Variants in PLA2G5 observed in about 807,000 individuals in gnomAD.
The protein encoded by PLA2G5 is phospholipase A2 group V.
In PLA2G5, 12 loss-of-function variants were observed where a neutral mutation model predicts 15.9. The ratio of observed to expected loss-of-function variants is 0.76; its 90% CI spans 0.48 to 1.23. PLA2G5 has a LOEUF of 1.23. Ranked by LOEUF, PLA2G5 falls within the 50% of genes most tolerant of loss-of-function variation. The pLI is 0.00. For missense variants in PLA2G5, 169 were observed against 177.1 expected (o/e 0.95, Z 0.26); for synonymous variants, 71 against 71.4 (o/e 0.99, Z 0.03).
chr1:20,045,618 G>C (rs751811219), intron 1 of PLA2G5, among the ~76,000 whole-genome samples: 1 of 152,206 alleles, frequency 6.6e-6, no homozygotes, highest in Non-Finnish European at 1.5e-5. Flanking sequence ...TTGGAGAAGA[G>C]AGTAAAAAGA....
intron 1 of PLA2G5, among the ~76,000 whole-genome samples, chr1:20,057,701 G>A (rs1463956580): frequency 1.3e-5 from 2 of 152,122 alleles, no homozygotes; most frequent in African/African-American, 4.8e-5. Context: ...GTTTCACCAT[G>A]TTGGCCAGGC....
intron 2 of PLA2G5, among the ~76,000 whole-genome samples, chr1:20,060,415 G>C (rs2014662071): frequency 6.6e-6 from 1 of 151,228 alleles, no homozygotes. Flanking sequence ...CACCACGCTA[G>C]GCTATTTTTG....
At chr1:20,031,549 G>T (rs1234770933) in intron 1 of PLA2G5, among the ~76,000 whole-genome samples, 2 of 151,638 alleles carry the variant, frequency 1.3e-5, no homozygotes, top group Non-Finnish European at 2.9e-5. Flanking sequence ...CCAGATAAAA[G>T]ATTTGAAATT....
intron 1 of PLA2G5, among the ~76,000 whole-genome samples, chr1:20,053,570 C>CGGGGGG (rs60259205): frequency 2.0e-5 from 2 of 98,162 alleles, no homozygotes. Context: ...TATTACTTTG[C>CGGGGGG]GGGGGGGGGG....
intron 1 of PLA2G5, among the ~76,000 whole-genome samples, chr1:20,046,552 C>T (rs963966458): frequency 2.6e-5 from 4 of 152,214 alleles, no homozygotes. Flanking sequence ...ACTTGAACCC[C>T]TTTAAATAAT....
chr1:20,041,561 G>A (rs2013599328), intron 1 of PLA2G5, among the ~76,000 whole-genome samples: 1 of 152,168 alleles, frequency 6.6e-6, no homozygotes, highest in Non-Finnish European at 1.5e-5. Context: ...CAATCCCTGG[G>A]GAGTAGTAGA....
At chr1:20,076,605 G>A (rs11573222) in intron 1 of PLA2G5, among the ~76,000 whole-genome samples, 51,146 of 152,050 alleles carry the variant, frequency 0.34, 9,574 homozygotes, top group Middle Eastern at 0.43. Flanking sequence ...TTGCTTACAC[G>A]TTGGGATCAT....
Position 20,045,078 on chromosome 1 carries a change from T to A in PLA2G5, n.277-14554T>A, listed in dbSNP as rs12045826. On this transcript the variant is annotated intron_variant and non_coding_transcript_variant, in intron 1 of 6. Coordinates refer to the PLA2G5 transcript ENST00000460175. Reference sequence around the variant, plus strand: ...GAAATTGAAAGTGCCATTTTCTGGTTATTTGGAACCATTGTTGAGTTTGTA... The same window carrying A: ...GAAATTGAAAGTGCCATTTTCTGGTAATTTGGAACCATTGTTGAGTTTGTA... Among the ~76,000 whole-genome samples, 3,161 of 152,224 alleles carry A rather than the reference T, an allele frequency of 0.021. 248 individuals are homozygous for A. In the East Asian group the frequency reaches 0.25, roughly 12 times the overall value.
At chr1:20,029,383 GT>G (rs1228406927) in intron 1 of PLA2G5, among the ~76,000 whole-genome samples, 3 of 151,938 alleles carry the variant, frequency 2.0e-5, no homozygotes, top group African/African-American at 7.3e-5. Context: ...CCGCTGACAT[GT>G]TCCTCCGCTG....
At chr1:20,054,495 T>G (rs2014338318) in intron 1 of PLA2G5, among the ~76,000 whole-genome samples, 1 of 152,228 alleles carries the variant, frequency 6.6e-6, no homozygotes, top group South Asian at 2.1e-4. Context: ...ACTTTGCTAT[T>G]TTCACCTAGC....
rs2012825666 is a variant in PLA2G5, at chr1:20,029,952, G to A, written n.276+1243G>A. Among the ~76,000 whole-genome samples the A allele has an allele frequency of 1.3e-5, 2 of 152,234 alleles. 1 individual carries two copies. Among genetic ancestry groups the A allele is most frequent in the South Asian group, 4.1e-4 (2 of 4,834 alleles). ...CAAAAGTTGTAGGTTATGGTGGCAA[G>A]CCATGAGAAGGTGGGGGTTGAATCC... On this transcript the variant is annotated intron_variant and non_coding_transcript_variant, in intron 1 of 6. Transcript: ENST00000460175.
chr1:20,029,369 T>TCCTCCGCTGACATGTG, intron 1 of PLA2G5, among the ~76,000 whole-genome samples: 1 of 152,182 alleles, frequency 6.6e-6, no homozygotes, highest in East Asian at 1.9e-4. Flanking sequence ...GCTGACATGT[T>TCCTCCGCTGACATGTG]CCTCCGCTGA....
At chr1:20,035,399 C>T (rs929318969) in intron 1 of PLA2G5, among the ~76,000 whole-genome samples, 1 of 152,152 alleles carries the variant, frequency 6.6e-6, no homozygotes, top group Non-Finnish European at 1.5e-5. Context: ...CATTTTCTCC[C>T]AGCAGAATAT....
chr1:20,083,759 AGAAGGACGC>A lies in PLA2G5; in HGVS notation c.-10-1060_-10-1052del, dbSNP rs1415167607. Among the ~76,000 whole-genome samples the A allele has an allele frequency of 7.2e-5, 11 of 151,792 alleles. 1 individual carries two copies. The highest frequency in any genetic ancestry group is 2.4e-4 in the African/African-American group (10 of 41,076). On this transcript the variant is annotated intron_variant, in intron 1 of 4. Transcript: ENST00000375108. ...GGCTGCGTGGTGCAGTGAGGGGTGCAGAAGGACGCGGCTCGAATCCAGCCTCCACTGCTT... is the reference window on the plus strand; with the variant it reads ...GGCTGCGTGGTGCAGTGAGGGGTGCAGGCTCGAATCCAGCCTCCACTGCTT...
intron 1 of PLA2G5, among the ~76,000 whole-genome samples, chr1:20,077,233 C>A (rs778512331): frequency 1.3e-5 from 2 of 152,164 alleles, no homozygotes; most frequent in Non-Finnish European, 2.9e-5. Flanking sequence ...CTTTAATCAC[C>A]GAAGTGTGAA....
In PLA2G5 at chr1:20,082,654, C is replaced by G. The variant is rs192363028; in HGVS notation, c.-10-2167C>G. Among the ~76,000 whole-genome samples, 8 of 152,054 alleles carry G rather than the reference C, an allele frequency of 5.3e-5. No homozygotes were observed. In the East Asian group the frequency reaches 1.5e-3, roughly 29 times the overall value. On this transcript the variant is annotated intron_variant, in intron 1 of 4. Coordinates refer to ENST00000375108, the MANE Select transcript of PLA2G5 (RefSeq NM_000929.3). Reference sequence around the variant, plus strand: ...CCTGACATTCCTGCCCTGCTCCTGTCTGACCAGCTACCTACTGTCACAGTT... The same window carrying G: ...CCTGACATTCCTGCCCTGCTCCTGTGTGACCAGCTACCTACTGTCACAGTT...
rs371687660 is a variant in PLA2G5, at chr1:20,043,724, C to T, written n.276+15015C>T. Reference sequence around the variant, plus strand: ...CATAAAAGAATGTTGTCCAAGTTGGCACAAGAGTGGGGGAGTTTTAAGGGA... The same window carrying T: ...CATAAAAGAATGTTGTCCAAGTTGGTACAAGAGTGGGGGAGTTTTAAGGGA... On this transcript the variant is annotated intron_variant and non_coding_transcript_variant, in intron 1 of 6. Transcript: ENST00000460175. Among the ~76,000 whole-genome samples the T allele has an allele frequency of 6.6e-5, 10 of 152,268 alleles. No homozygotes were observed. The East Asian group carries it at 1.5e-3, about 23-fold the overall frequency.
intron 1 of PLA2G5, among the ~76,000 whole-genome samples, chr1:20,049,072 G>A (rs1026880658): frequency 2.6e-5 from 4 of 152,058 alleles, no homozygotes; most frequent in East Asian, 3.9e-4. Context: ...AGAGGTTTAA[G>A]GAAAGTTATA....
rs147590761 is a variant in PLA2G5 at position 20,039,207 on chromosome 1, G to C, written n.276+10498G>C. Among the ~76,000 whole-genome samples, 387 of 152,328 alleles carry C rather than the reference G, an allele frequency of 2.5e-3. 5 individuals carry two copies. The highest frequency in any genetic ancestry group is 8.8e-3 in the African/African-American group (365 of 41,586). ...TTGTAGCTGTGATTTTGCTCCAGAGGAGAGGGCTTCTCTGAGAAATTCCTC... is the reference window on the plus strand; with the variant it reads ...TTGTAGCTGTGATTTTGCTCCAGAGCAGAGGGCTTCTCTGAGAAATTCCTC... On this transcript the variant is annotated intron_variant and non_coding_transcript_variant, in intron 1 of 6. Coordinates refer to the PLA2G5 transcript ENST00000460175.
Sources: gnomAD v4.1 joint callset for allele counts (sites outside exome capture counted in the v4.1 genomes callset) on GRCh38, gnomAD v4.1.1 for gene constraint, MANE v1.5 for transcripts, NCBI Gene and HGNC (gene_info 2026-07-23, HGNC 2026-07-21) for gene names.